OTUD7A: variants seen among roughly 807,000 people sequenced by gnomAD.
OTUD7A encodes OTU domain-containing protein 7A.
In OTUD7A, 12 loss-of-function variants were observed where a neutral mutation model predicts 65.7. That is an observed-to-expected ratio of 0.18 (90% CI 0.12 to 0.30). OTUD7A has a LOEUF of 0.30. Ranked by LOEUF, OTUD7A falls within the 10% of genes least tolerant of loss-of-function variation. The pLI, the probability that OTUD7A is intolerant of heterozygous loss-of-function variation, is 1.00. For synonymous variants in OTUD7A, 641 were observed against 586.3 expected, an observed-to-expected ratio of 1.09 and a Z score of -1.35; for missense variants, 1,148 against 1,304.8, an observed-to-expected ratio of 0.88 and a Z score of 1.85.
intron 1 of OTUD7A, among the ~76,000 whole-genome samples, chr15:31,802,180 G>A (rs1021050910): frequency 3.8e-4 from 56 of 147,150 alleles, no homozygotes; most frequent in Non-Finnish European, 2.1e-4. Flanking sequence ...TTAAATATTA[G>A]CTCACATGAT....
intron 1 of OTUD7A, among the ~76,000 whole-genome samples, chr15:31,728,990 T>C (rs1016458468): frequency 5.9e-5 from 9 of 152,140 alleles, no homozygotes; most frequent in African/African-American, 1.9e-4. Context: ...TCAACCAGGG[T>C]CTGAAAATAG....
chr15:31,660,803 C>G (rs1317679117), intron 1 of OTUD7A, among the ~76,000 whole-genome samples: 1 of 152,226 alleles, frequency 6.6e-6, no homozygotes, highest in Non-Finnish European at 1.5e-5. Context: ...GTTGCAGGAT[C>G]ATTTCACTCT....
At chr15:31,681,038 C>A (rs1595705025) in intron 1 of OTUD7A, among the ~76,000 whole-genome samples, 1 of 149,784 alleles carries the variant, frequency 6.7e-6, no homozygotes, top group East Asian at 1.9e-4. Flanking sequence ...TGTCTGTCCA[C>A]CTATCATCTA....
rs2041211722 is a variant in OTUD7A, at chr15:31,484,804, C to T, written c.1372-80G>A. On this transcript the variant is annotated intron_variant, in intron 12 of 12. Transcript: ENST00000307050. This position sits in a 1 kb window ranked among gnomAD's most constrained non-coding sequence, Gnocchi z 4.5. ...GCCAGCGAGGAAGACACACCTTGCCCCTGTGTTGCCGAGGCTAGGGCCCTG... is the reference window on the plus strand; with the variant it reads ...GCCAGCGAGGAAGACACACCTTGCCTCTGTGTTGCCGAGGCTAGGGCCCTG... 9.3e-6 allele frequency: 14 copies of T among 1,512,846 alleles called. No homozygotes were observed. The highest frequency in any genetic ancestry group is 2.7e-5 in the African/African-American group (2 of 73,248). 93.7% of individuals were successfully genotyped at this position (1,512,846 alleles called of 1,614,324 possible).
At chr15:31,748,564 T>C (rs1894542952) in intron 1 of OTUD7A, among the ~76,000 whole-genome samples, 1 of 152,056 alleles carries the variant, frequency 6.6e-6, no homozygotes, top group African/African-American at 2.4e-5. Flanking sequence ...TTTGCAACTT[T>C]TCTATACATG....
chr15:31,566,300 T>C (rs1294048360), intron 4 of OTUD7A, among the ~76,000 whole-genome samples: 6 of 151,792 alleles, frequency 4.0e-5, no homozygotes, highest in African/African-American at 1.5e-4. Flanking sequence ...AATGTAAACA[T>C]TGTGTATGGG....
chr15:31,862,307 G>A (rs977246321), intron 1 of OTUD7A, among the ~76,000 whole-genome samples: 5 of 152,216 alleles, frequency 3.3e-5, no homozygotes, highest in East Asian at 1.9e-4. Context: ...CAGCACCTGA[G>A]ATACAGGAGA....
intron 3 of OTUD7A, among the ~76,000 whole-genome samples, chr15:31,654,833 C>T (rs1409654640): frequency 2.0e-5 from 3 of 152,132 alleles, no homozygotes; most frequent in Non-Finnish European, 4.4e-5. Context: ...AGAGTATTTT[C>T]GTCTCCGCTA....
chr15:31,777,743 G>A (rs998116641), intron 1 of OTUD7A, among the ~76,000 whole-genome samples: 5 of 152,214 alleles, frequency 3.3e-5, no homozygotes, highest in Non-Finnish European at 5.9e-5. Flanking sequence ...AGGTGGGTGC[G>A]TGGGTTCTGC....
At chr15:31,683,270 T>C (rs891944560) in intron 1 of OTUD7A, among the ~76,000 whole-genome samples, 2 of 152,222 alleles carry the variant, frequency 1.3e-5, no homozygotes, top group Non-Finnish European at 2.9e-5. Flanking sequence ...AATAAATATC[T>C]GTCATCATGT....
intron 1 of OTUD7A, among the ~76,000 whole-genome samples, chr15:31,845,277 T>C (rs1400092808): frequency 6.6e-6 from 1 of 152,218 alleles, no homozygotes; most frequent in Non-Finnish European, 1.5e-5. Context: ...CCTTGTTCCA[T>C]GTCCTGTACC....
chr15:31,616,769 C>T (rs1373863169), intron 3 of OTUD7A, among the ~76,000 whole-genome samples: 1 of 152,114 alleles, frequency 6.6e-6, no homozygotes, highest in East Asian at 1.9e-4. Context: ...GTCTTGAACT[C>T]CTGACCTCAG....
chr15:31,759,884 A>T (rs1894916376), intron 1 of OTUD7A, among the ~76,000 whole-genome samples: 1 of 152,152 alleles, frequency 6.6e-6, no homozygotes, highest in Admixed American at 6.5e-5. Flanking sequence ...TCTACTCTGC[A>T]TCACTTACTC....
chr15:31,621,019 G>T (rs1284052018), intron 3 of OTUD7A, among the ~76,000 whole-genome samples: 1 of 148,750 alleles, frequency 6.7e-6, no homozygotes, highest in Non-Finnish European at 1.5e-5. Flanking sequence ...TTCATTTCGT[G>T]ATGTACCCAG....
chr15:31,832,480 T>A (rs566832282), intron 1 of OTUD7A, among the ~76,000 whole-genome samples: 1 of 152,316 alleles, frequency 6.6e-6, no homozygotes, highest in South Asian at 2.1e-4. Context: ...AAATTTACCA[T>A]CTGCAACATT....
At chr15:31,830,998 T>C (rs116138454) in intron 1 of OTUD7A, among the ~76,000 whole-genome samples, 2,379 of 152,266 alleles carry the variant, frequency 0.016, 66 homozygotes, top group African/African-American at 0.054. Flanking sequence ...GGCCCAGAAA[T>C]AGACCCTCAC....
rs536677931 is a variant in OTUD7A, at chr15:31,764,153, C to A, written c.-100+106354G>T. On this transcript the variant is annotated intron_variant, in intron 1 of 12. Coordinates refer to ENST00000307050, the MANE Select transcript of OTUD7A (RefSeq NM_001382637.1). Reference sequence around the variant, plus strand: ...TTCTCATAATTTTTTTGTTACAAAACCCCAAATAATTTTAATCTCAATTTG... The same window carrying A: ...TTCTCATAATTTTTTTGTTACAAAAACCCAAATAATTTTAATCTCAATTTG... 1.5e-4 allele frequency among the ~76,000 whole-genome samples: 23 copies of A among 152,164 alleles called. No homozygotes were observed. The East Asian group carries it at 4.2e-3, about 28-fold the overall frequency.
chr15:31,831,028 T>C (rs1182011449), intron 1 of OTUD7A, among the ~76,000 whole-genome samples: 3 of 152,228 alleles, frequency 2.0e-5, no homozygotes, highest in Non-Finnish European at 4.4e-5. Context: ...CATTTGATTT[T>C]TGACAAAGGC....
chr15:31,816,518 G>A (rs1198834503), intron 1 of OTUD7A, among the ~76,000 whole-genome samples: 4 of 117,516 alleles, frequency 3.4e-5, no homozygotes, highest in Non-Finnish European at 7.2e-5. Flanking sequence ...GTGAAACCCC[G>A]TCTCTACTAA....
Sources: gnomAD v4.1 joint callset for allele counts (sites outside exome capture counted in the v4.1 genomes callset) on GRCh38, gnomAD v4.1.1 for gene constraint, Gnocchi (gnomAD v3.1) non-coding constraint, MANE v1.5 for transcripts, NCBI Gene and HGNC (gene_info 2026-07-23, HGNC 2026-07-21) for gene names.